The following SLC15A5 variants were observed in gnomAD, a reference collection of about 807,000 sequenced individuals.
The protein encoded by SLC15A5 is Peptide/histidine transporter ENSP00000340402.
A neutral mutation model predicts 56.1 loss-of-function variants in SLC15A5; 58 were observed. The observed-to-expected ratio is 1.03, with a 90% CI of 0.84 to 1.29. SLC15A5 has a LOEUF of 1.29. Among genes scored for constraint, SLC15A5 ranks in the 50% most tolerant of loss-of-function variants. The probability of loss-of-function intolerance (pLI) is 0.00; values close to 1 mark genes in which losing one functional copy is unlikely to be tolerated. For synonymous variants in SLC15A5, 264 were observed against 250.5 expected, an observed-to-expected ratio of 1.05 and a Z score of -0.51; for missense variants, 681 against 672.1, an observed-to-expected ratio of 1.01 and a Z score of -0.15.
At chr12:16,255,686 A>T (rs766703170) in intron 3 of SLC15A5, among the ~76,000 whole-genome samples, 1 of 151,448 alleles carries the variant, frequency 6.6e-6, no homozygotes, top group Non-Finnish European at 1.5e-5. Context: ...TGGCAAATGT[A>T]AAAAAAAACC....
intron 5 of SLC15A5, among the ~76,000 whole-genome samples, chr12:16,226,443 TA>T (rs1385372568): frequency 1.3e-5 from 2 of 152,090 alleles, no homozygotes; most frequent in Non-Finnish European, 2.9e-5. Context: ...ATAACTTTCA[TA>T]AAAAAGATAT....
At chr12:16,218,789 GAAGT>G (rs1265106362) in intron 6 of SLC15A5, among the ~76,000 whole-genome samples, 2 of 152,044 alleles carry the variant, frequency 1.3e-5, no homozygotes, top group African/African-American at 2.4e-5. Context: ...TTCTCTATGA[GAAGT>G]AAGAGATCTT....
At chr12:16,258,177 T>G (rs1864596635) in intron 2 of SLC15A5, among the ~76,000 whole-genome samples, 1 of 152,190 alleles carries the variant, frequency 6.6e-6, no homozygotes, top group Non-Finnish European at 1.5e-5. Flanking sequence ...ATTTTAGGCT[T>G]TGCAGGCCAT....
At position 16,204,208 on chromosome 12, in the gene SLC15A5, C is replaced by G. The variant is rs570390091; in HGVS notation, c.1484-9755G>C. The stretch of plus-strand genomic sequence containing the variant: ...CAGTAGCTCACACCTGTAATCCCAG[C>G]ACTTTGGGAAGCCAAAGTGGGCTGA... On this transcript the variant is annotated intron_variant, in intron 7 of 8. Transcript: ENST00000344941. Among the ~76,000 whole-genome samples the G allele has an allele frequency of 1.4e-4, 21 of 152,218 alleles. No individual in the cohort carries two copies. In the South Asian group the frequency reaches 4.1e-3, roughly 30 times the overall value.
intron 5 of SLC15A5, among the ~76,000 whole-genome samples, chr12:16,238,940 A>G (rs1340414201): frequency 6.6e-6 from 1 of 152,188 alleles, no homozygotes. Flanking sequence ...AGAGAACAAA[A>G]TGATCCAAAA....
At position 16,269,616 on chromosome 12, in the gene SLC15A5, A is replaced by T. The variant is rs1864730321; in HGVS notation, c.584+2945T>A. On this transcript the variant is annotated intron_variant, in intron 2 of 8. Transcript: ENST00000344941. This position sits in a 1 kb window ranked among gnomAD's most constrained non-coding sequence, Gnocchi z 4.7. ...TTTGAGTAAGTGTTAAAATCAGAAT[A>T]TTTCAGATACCATGTAGAGTCAATT... 6.6e-6 allele frequency among the ~76,000 whole-genome samples: 1 copy of T among 152,240 alleles called. No homozygotes were observed. Among genetic ancestry groups the T allele is most frequent in the African/African-American group, 2.4e-5 (1 of 41,470 alleles).
chr12:16,215,400 A>C (rs1864122590), intron 7 of SLC15A5, among the ~76,000 whole-genome samples: 1 of 152,080 alleles, frequency 6.6e-6, no homozygotes, highest in South Asian at 2.1e-4. Context: ...TTGATTCTAG[A>C]AATTTTGTTT....
At chr12:16,270,893 A>G (rs1864747219) in intron 2 of SLC15A5, among the ~76,000 whole-genome samples, 1 of 152,188 alleles carries the variant, frequency 6.6e-6, no homozygotes, top group South Asian at 2.1e-4. Flanking sequence ...TGGAAAAATA[A>G]AAAAAGGCAA....
intron 8 of SLC15A5, 106 bp downstream of exon 8, chr12:16,194,239 C>A: frequency 1.6e-6 from 1 of 616,182 alleles, no homozygotes; most frequent in Non-Finnish European, 2.7e-6. Flanking sequence ...CTCTAATATT[C>A]TAATTTGTCC....
rs1053989238 is a variant in SLC15A5 at position 16,237,996 on chromosome 12, C to T, written c.1162+1685G>A. Among the ~76,000 whole-genome samples the T allele has an allele frequency of 2.0e-5, 3 of 152,168 alleles. No individual in the cohort carries two copies. The highest frequency in any genetic ancestry group is 4.4e-5 in the Non-Finnish European group (3 of 68,028). The stretch of plus-strand genomic sequence containing the variant: ...ATTTCTACATTGGCAGACAGAAAAG[C>T]ACTTTTTAAGTCTTAAGGATTATCA... On this transcript the variant is annotated intron_variant, in intron 5 of 8. Transcript: ENST00000344941. The surrounding 1 kb of genome is among the most constrained non-coding windows in gnomAD (Gnocchi z 4.1).
In SLC15A5 at chr12:16,257,164, G is replaced by T. The variant is rs181522327; in HGVS notation, c.754+537C>A. 1.4e-3 allele frequency among the ~76,000 whole-genome samples: 217 copies of T among 152,050 alleles called. 6 individuals carry two copies. The East Asian group carries it at 0.028, about 20-fold the overall frequency. ...GAGAGAGATTGATAATGACATTGTG[G>T]TTATGTTTTTCAAATGGAATTTAAC... is the stretch of plus-strand genomic sequence containing the variant. On this transcript the variant is annotated intron_variant, in intron 3 of 8. Transcript: ENST00000344941.
Position 16,201,592 on chromosome 12 carries a change from C to A in SLC15A5, c.1484-7139G>T, listed in dbSNP as rs181686219. Among the ~76,000 whole-genome samples the A allele has an allele frequency of 9.4e-4, 143 of 152,084 alleles. 1 individual carries two copies. The highest frequency in any genetic ancestry group is 1.6e-3 in the Non-Finnish European group (106 of 67,976). Reference sequence around the variant, plus strand: ...TAGTTGAATCATGGGGGTGGTTTCCCCCATGCTGTTCTCATGATAGTGAGT... The same window carrying A: ...TAGTTGAATCATGGGGGTGGTTTCCACCATGCTGTTCTCATGATAGTGAGT... On this transcript the variant is annotated intron_variant, in intron 7 of 8. Transcript: ENST00000344941.
Position 16,233,276 on chromosome 12 carries a change from G to A in SLC15A5, c.1162+6405C>T, listed in dbSNP as rs138483993. Among the ~76,000 whole-genome samples the A allele has an allele frequency of 4.5e-3, 681 of 152,022 alleles. 5 individuals are homozygous for A. The highest frequency in any genetic ancestry group is 0.015 in the African/African-American group (632 of 41,466). On this transcript the variant is annotated intron_variant, in intron 5 of 8. Transcript: ENST00000344941. ...ACAAGCATCACTATTTTTTTTCTCT[G>A]TAAAAGGCCAGTAATAAGTACTTCA... is the stretch of plus-strand genomic sequence containing the variant.
chr12:16,214,545 C>T (rs937968874), intron 7 of SLC15A5, among the ~76,000 whole-genome samples: 9 of 152,154 alleles, frequency 5.9e-5, no homozygotes, highest in African/African-American at 2.2e-4. Context: ...GGAGACTGAG[C>T]TCACAATGAT....
chr12:16,216,961 G>A lies in SLC15A5; in HGVS notation c.1415C>T (p.Thr472Ile). The change falls in exon 7 of 9, where the codon ACA becomes ATA. Residue 472 changes from threonine to isoleucine, a missense_variant. Transcript: ENST00000344941. Reference sequence around the variant, plus strand: ...GAAACAGCCAAATCCATTGAACAGTGTCAGAAAATTCATGGAGGTTCCTCT... The same window carrying A: ...GAAACAGCCAAATCCATTGAACAGTATCAGAAAATTCATGGAGGTTCCTCT... ...NVRGTSMNFL[T>I]LFNGFGCFTG... 6.5e-7 allele frequency: 1 copy of A among 1,536,810 alleles called. No homozygotes were observed.
chr12:16,264,158 C>T (rs1294446224), intron 2 of SLC15A5, among the ~76,000 whole-genome samples: 1 of 152,204 alleles, frequency 6.6e-6, no homozygotes, highest in Non-Finnish European at 1.5e-5. Flanking sequence ...GGGAGGGAAG[C>T]AGTACCCTGC....
rs1480920435 is a variant in SLC15A5 at position 16,271,466 on chromosome 12, A to AGT, written c.584+1093_584+1094dup. On this transcript the variant is annotated intron_variant, in intron 2 of 8. Transcript: ENST00000344941. This position sits in a 1 kb window ranked among gnomAD's most constrained non-coding sequence, Gnocchi z 8.0. The stretch of plus-strand genomic sequence containing the variant: ...CAGAATTTGCTGCAAGGAAGTAAAG[A>AGT]GTCCCTTCTACCTTTGGTAAGACTG... Among the ~76,000 whole-genome samples, 6 of 152,184 alleles carry AGT rather than the reference A, an allele frequency of 3.9e-5. No homozygotes were observed. The highest frequency in any genetic ancestry group is 8.8e-5 in the Non-Finnish European group (6 of 68,020).
intron 7 of SLC15A5, among the ~76,000 whole-genome samples, chr12:16,204,240 G>A (rs369573875): frequency 6.6e-6 from 1 of 152,166 alleles, no homozygotes; most frequent in East Asian, 1.9e-4. Flanking sequence ...CTGATCACTT[G>A]AGGTCAGGAG....
intron 7 of SLC15A5, among the ~76,000 whole-genome samples, chr12:16,205,590 TAC>T (rs58581207): frequency 0.22 from 12,281 of 56,426 alleles, 1,550 homozygotes; most frequent in Middle Eastern, 0.34. Flanking sequence ...CATATATATA[TAC>T]ATATACACAC....
Sources: allele counts gnomAD v4.1 joint callset (sites outside exome capture counted in the v4.1 genomes callset), GRCh38; gene constraint gnomAD v4.1.1; non-coding constraint Gnocchi (gnomAD v3.1); transcripts MANE v1.5; gene names NCBI Gene and HGNC (gene_info 2026-07-23, HGNC 2026-07-21).